Variants in PDE4D observed in about 807,000 individuals in gnomAD.
PDE4D encodes the protein phosphodiesterase 4D, also known as 3',5'-cyclic-AMP phosphodiesterase 4D.
A neutral mutation model predicts 87.4 loss-of-function variants in PDE4D; 24 were observed. That is an observed-to-expected ratio of 0.27 (90% CI 0.20 to 0.39). The LOEUF (loss-of-function observed/expected upper bound fraction) is 0.39. Ranked by LOEUF, PDE4D falls within the 10% of genes least tolerant of loss-of-function variation. PDE4D has a pLI of 1.00. For synonymous variants in PDE4D, 384 were observed against 383.2 expected (o/e 1.00, Z -0.02); for missense variants, 714 against 1,041.0 (o/e 0.69, Z 4.32).
At chr5:59,969,485 AC>A (rs1760453189) in intron 3 of PDE4D, among the ~76,000 whole-genome samples, 1 of 152,210 alleles carries the variant, frequency 6.6e-6, no homozygotes, top group Non-Finnish European at 1.5e-5. Flanking sequence ...TGTTGTGTTC[AC>A]CTGCTAATGT....
At chr5:59,559,105 T>C (rs1819489236) in intron 1 of PDE4D, among the ~76,000 whole-genome samples, 1 of 152,196 alleles carries the variant, frequency 6.6e-6, no homozygotes, top group African/African-American at 2.4e-5. Flanking sequence ...ATGAGGAAAC[T>C]GCTTAATATC....
At chr5:60,107,246 T>C (rs1220125054) in intron 2 of PDE4D, among the ~76,000 whole-genome samples, 3 of 152,054 alleles carry the variant, frequency 2.0e-5, no homozygotes, top group African/African-American at 7.2e-5. Flanking sequence ...GCAAATAAAC[T>C]AGAAAATCTA....
rs572516710 is a variant in PDE4D at position 59,534,322 on chromosome 5, G to A, written c.456-318354C>T. ...TAAAAATATGGGTATTTTCCCCTGC[G>A]AGTTAAATAAGCACAAAACAAACAT... On this transcript the variant is annotated intron_variant, in intron 1 of 14. Transcript: ENST00000340635. 3.9e-4 allele frequency among the ~76,000 whole-genome samples: 60 copies of A among 152,200 alleles called. 1 individual carries two copies. In the Middle Eastern group the frequency reaches 0.037, roughly 95 times the overall value.
At chr5:60,108,926 T>A in intron 2 of PDE4D, among the ~76,000 whole-genome samples, 1 of 152,018 alleles carries the variant, frequency 6.6e-6, no homozygotes, top group Admixed American at 6.6e-5. Flanking sequence ...AACCTAGGCA[T>A]TACCATTCAG....
chr5:59,379,434 A>T (rs1182666173), intron 1 of PDE4D, among the ~76,000 whole-genome samples: 1 of 152,136 alleles, frequency 6.6e-6, no homozygotes, highest in Non-Finnish European at 1.5e-5. Context: ...AAAATCATCT[A>T]TACCGAGAGG....
intron 5 of PDE4D, among the ~76,000 whole-genome samples, chr5:59,066,400 A>T (rs1490642050): frequency 6.6e-6 from 1 of 152,098 alleles, no homozygotes; most frequent in Admixed American, 6.6e-5. Flanking sequence ...ATAGATGGGG[A>T]GGGGACCCAG....
chr5:59,983,993 T>C (rs1762168613), intron 3 of PDE4D, among the ~76,000 whole-genome samples: 1 of 152,124 alleles, frequency 6.6e-6, no homozygotes, highest in African/African-American at 2.4e-5. Context: ...TTATGCTATA[T>C]TTATGCAATA....
At chr5:60,103,436 A>G (rs1362832449) in intron 2 of PDE4D, among the ~76,000 whole-genome samples, 1 of 152,218 alleles carries the variant, frequency 6.6e-6, no homozygotes, top group African/African-American at 2.4e-5. Context: ...TAATTCCCAT[A>G]CCAGCATTCC....
intron 1 of PDE4D, among the ~76,000 whole-genome samples, chr5:60,409,573 TA>T (rs1741868789): frequency 6.6e-6 from 1 of 152,180 alleles, no homozygotes; most frequent in African/African-American, 2.4e-5. Context: ...TTGTATTGAT[TA>T]TGCGCTTACT....
At chr5:59,435,509 G>A (rs1562183658) in intron 1 of PDE4D, among the ~76,000 whole-genome samples, 3 of 152,098 alleles carry the variant, frequency 2.0e-5, no homozygotes, top group Non-Finnish European at 2.9e-5. Context: ...TTCCTTTTAA[G>A]CGTAATCTCT....
At chr5:59,559,421 A>G (rs58844364) in intron 1 of PDE4D, among the ~76,000 whole-genome samples, 1 of 152,158 alleles carries the variant, frequency 6.6e-6, no homozygotes, top group African/African-American at 2.4e-5. Flanking sequence ...AAATTATTTC[A>G]TTTATTACAT....
At chr5:60,255,124 A>G (rs1468331396) in intron 1 of PDE4D, among the ~76,000 whole-genome samples, 1 of 151,942 alleles carries the variant, frequency 6.6e-6, no homozygotes, top group Non-Finnish European at 1.5e-5. Flanking sequence ...TCAAGGGATG[A>G]AAATGACTAT....
chr5:59,742,409 T>C (rs1758988253), intron 1 of PDE4D, among the ~76,000 whole-genome samples: 1 of 152,152 alleles, frequency 6.6e-6, no homozygotes, highest in Non-Finnish European at 1.5e-5. Flanking sequence ...CCCCACAAAT[T>C]ATCATGTTTA....
At chr5:59,942,083 G>A (rs1424053835) in intron 3 of PDE4D, among the ~76,000 whole-genome samples, 1 of 152,240 alleles carries the variant, frequency 6.6e-6, no homozygotes, top group Non-Finnish European at 1.5e-5. Flanking sequence ...TTGGAAGGGG[G>A]TGAGAGGGAG....
At chr5:59,672,547 C>T (rs773651086) in intron 1 of PDE4D, among the ~76,000 whole-genome samples, 42 of 152,166 alleles carry the variant, frequency 2.8e-4, no homozygotes, top group Non-Finnish European at 5.4e-4. Flanking sequence ...AATACCAACA[C>T]TCAATTAAAT....
At chr5:59,504,644 T>C (rs1333771359) in intron 1 of PDE4D, among the ~76,000 whole-genome samples, 1 of 152,178 alleles carries the variant, frequency 6.6e-6, no homozygotes, top group Non-Finnish European at 1.5e-5. Context: ...CTGTCCTACA[T>C]TTGGGAAAAC....
At chr5:59,261,564 T>C (rs26712) in intron 1 of PDE4D, among the ~76,000 whole-genome samples, 107,417 of 151,664 alleles carry the variant, frequency 0.71, 38,777 homozygotes, top group Admixed American at 0.75. Flanking sequence ...ATTTTGGCAA[T>C]AAGTGAAATA....
In PDE4D at chr5:60,188,483, A is replaced by T. The variant is rs150669100; in HGVS notation, c.-89-2796T>A. ...TTCCTTTCTCCATCTGTCTCCTCCTAGGACTCCCCACTAACCAAATGCAAG... is the reference window on the plus strand; with the variant it reads ...TTCCTTTCTCCATCTGTCTCCTCCTTGGACTCCCCACTAACCAAATGCAAG... On this transcript the variant is annotated intron_variant, in intron 1 of 16. Coordinates refer to the PDE4D transcript ENST00000502484. 326 of 152,124 alleles carry T rather than the reference A, an allele frequency of 2.1e-3. 1 individual carries two copies. The highest frequency in any genetic ancestry group is 2.9e-3 in the Non-Finnish European group (197 of 68,030). The allele number at this position is 152,124 out of a possible 1,614,324, so 9.4% of individuals were successfully genotyped here.
intron 1 of PDE4D, among the ~76,000 whole-genome samples, chr5:60,382,888 A>G (rs984864944): frequency 1.3e-5 from 2 of 152,166 alleles, no homozygotes; most frequent in Admixed American, 6.6e-5. Context: ...CCTTCAATGA[A>G]GAGTTCCAGT....
Sources: allele counts gnomAD v4.1 joint callset (sites outside exome capture counted in the v4.1 genomes callset), GRCh38; gene constraint gnomAD v4.1.1; transcripts MANE v1.5; gene names NCBI Gene and HGNC (gene_info 2026-07-23, HGNC 2026-07-21).